Variants in CAP2 observed in about 807,000 individuals in gnomAD.
CAP2 encodes the protein cyclase associated actin cytoskeleton regulatory protein 2, also known as adenylyl cyclase-associated protein 2.
A neutral mutation model predicts 57.7 loss-of-function variants in CAP2; 24 were observed. The observed-to-expected ratio is 0.42, with a 90% confidence interval of 0.30 to 0.58. The LOEUF is 0.58. Ranked by LOEUF, CAP2 falls within the 20% of genes least tolerant of loss-of-function variation. CAP2 has a pLI of 0.22. For synonymous variants in CAP2, 194 were observed against 207.2 expected (o/e 0.94, Z 0.55); for missense variants, 501 against 590.3 (o/e 0.85, Z 1.57).
At chr6:17,431,152 G>A (rs373563861) in intron 3 of CAP2, among the ~76,000 whole-genome samples, 38 of 152,198 alleles carry the variant, frequency 2.5e-4, no homozygotes, top group East Asian at 1.2e-3. Context: ...GCCAACTGGA[G>A]GGTGGAGGGC....
intron 4 of CAP2, among the ~76,000 whole-genome samples, chr6:17,494,243 G>A (rs1192762469): frequency 1.3e-5 from 2 of 152,120 alleles, no homozygotes; most frequent in East Asian, 1.9e-4. Context: ...GGTGATCTCC[G>A]CTTTATTCAG....
chr6:17,406,412 T>TTTTTTTTTTTTTTTC (rs1197104013), intron 1 of CAP2, among the ~76,000 whole-genome samples: 8 of 135,264 alleles, frequency 5.9e-5, no homozygotes, highest in African/African-American at 1.9e-4. Context: ...TTTTTTTTTT[T>TTTTTTTTTTTTTTTC]TGAGGCAGTC....
chr6:17,416,760 A>G (rs1318016401), intron 1 of CAP2, among the ~76,000 whole-genome samples: 2 of 152,190 alleles, frequency 1.3e-5, no homozygotes, highest in Non-Finnish European at 2.9e-5. Context: ...GGGTAGAACT[A>G]TTGATTCTTT....
intron 1 of CAP2, among the ~76,000 whole-genome samples, chr6:17,415,376 A>G (rs1333671445): frequency 6.6e-6 from 1 of 152,258 alleles, no homozygotes; most frequent in Non-Finnish European, 1.5e-5. Context: ...GAAGAGACCC[A>G]AAGGCTTACA....
At chr6:17,432,271 A>G (rs747908876) in intron 3 of CAP2, among the ~76,000 whole-genome samples, 7 of 152,082 alleles carry the variant, frequency 4.6e-5, no homozygotes, top group Non-Finnish European at 1.0e-4. Context: ...AAAAGTGACC[A>G]TTTACATGTT....
intron 3 of CAP2, among the ~76,000 whole-genome samples, chr6:17,427,625 G>GAAA (rs1561779483): frequency 2.0e-5 from 3 of 150,298 alleles, no homozygotes; most frequent in African/African-American, 2.5e-5. Flanking sequence ...AAAAAAAAAT[G>GAAA]GAACTACTGT....
intron 1 of CAP2, among the ~76,000 whole-genome samples, chr6:17,400,035 A>G (rs1758769194): frequency 1.3e-5 from 2 of 151,498 alleles, no homozygotes; most frequent in African/African-American, 4.9e-5. Context: ...GCTGGCTAAC[A>G]CGGTGAAACC....
At chr6:17,449,817 C>T (rs189442559) in intron 3 of CAP2, among the ~76,000 whole-genome samples, 72 of 152,304 alleles carry the variant, frequency 4.7e-4, no homozygotes, top group Admixed American at 1.8e-3. Flanking sequence ...TATTCTCCCA[C>T]ATATATGTTG....
intron 11 of CAP2, among the ~76,000 whole-genome samples, chr6:17,547,834 C>A: frequency 8.0e-6 from 1 of 125,038 alleles, no homozygotes; most frequent in Non-Finnish European, 1.7e-5. Flanking sequence ...GAGTGAGACT[C>A]TGTCTCAAAA....
At chr6:17,406,070 G>T (rs2113509147) in intron 1 of CAP2, among the ~76,000 whole-genome samples, 1 of 152,126 alleles carries the variant, frequency 6.6e-6, no homozygotes, top group South Asian at 2.1e-4. Flanking sequence ...ACTTCAGTTT[G>T]CAAAGCCTTT....
intron 4 of CAP2, chr6:17,493,401 T>C (rs1177826519): frequency 5.4e-6 from 2 of 368,252 alleles, no homozygotes; most frequent in Non-Finnish European, 1.1e-5. Context: ...TAGGATATAA[T>C]GAGTAATTGA....
chr6:17,546,728 T>A (rs2113706564), intron 11 of CAP2, among the ~76,000 whole-genome samples: 1 of 152,326 alleles, frequency 6.6e-6, no homozygotes, highest in Admixed American at 6.5e-5. Flanking sequence ...AATATCATAT[T>A]GAATGGGCAA....
chr6:17,434,015 G>A (rs373458507), intron 3 of CAP2, among the ~76,000 whole-genome samples: 2 of 152,136 alleles, frequency 1.3e-5, no homozygotes, highest in East Asian at 3.9e-4. Context: ...CCACAGGATT[G>A]CCCATTTACT....
intron 4 of CAP2, among the ~76,000 whole-genome samples, chr6:17,477,543 C>T (rs1761182423): frequency 6.6e-6 from 1 of 152,296 alleles, no homozygotes; most frequent in South Asian, 2.1e-4. Flanking sequence ...AAAACCTCCT[C>T]TTGTCTTTCT....
intron 1 of CAP2, among the ~76,000 whole-genome samples, chr6:17,400,139 T>C (rs1758772308): frequency 6.6e-6 from 1 of 151,916 alleles, no homozygotes; most frequent in African/African-American, 2.4e-5. Flanking sequence ...GGCAGGAGAA[T>C]CGCTTGAACC....
chr6:17,544,265 A>G (rs1762987478), intron 11 of CAP2, among the ~76,000 whole-genome samples: 1 of 152,158 alleles, frequency 6.6e-6, no homozygotes, highest in African/African-American at 2.4e-5. Context: ...ATGCATAAAT[A>G]AAAGTACTGT....
At chr6:17,480,398 A>G (rs1761258918) in intron 4 of CAP2, among the ~76,000 whole-genome samples, 1 of 152,202 alleles carries the variant, frequency 6.6e-6, no homozygotes, top group Admixed American at 6.5e-5. Context: ...GTATTCCATA[A>G]TTTGATTAGC....
chr6:17,418,128 T>C (rs1759336230), intron 1 of CAP2, among the ~76,000 whole-genome samples: 1 of 152,120 alleles, frequency 6.6e-6, no homozygotes, highest in African/African-American at 2.4e-5. Flanking sequence ...GCTGAGGGTA[T>C]ATCGGGAGAC....
chr6:17,428,408 C>T (rs1354629916), intron 3 of CAP2, among the ~76,000 whole-genome samples: 2 of 152,102 alleles, frequency 1.3e-5, no homozygotes, highest in Non-Finnish European at 2.9e-5. Flanking sequence ...GCCTTTGTTT[C>T]TCACTAAGGA....
Sources: allele counts gnomAD v4.1 joint callset (sites outside exome capture counted in the v4.1 genomes callset), GRCh38; gene constraint gnomAD v4.1.1; transcripts MANE v1.5; gene names NCBI Gene and HGNC (gene_info 2026-07-23, HGNC 2026-07-21).